ATP8A1: variants seen among roughly 807,000 people sequenced by gnomAD.
ATP8A1 encodes phospholipid-transporting ATPase IA.
In ATP8A1, 90 loss-of-function variants were observed where a neutral mutation model predicts 177.7. The observed-to-expected ratio is 0.51, with a 90% confidence interval of 0.43 to 0.60. The LOEUF (loss-of-function observed/expected upper bound fraction) is 0.60, where lower values mean the gene tolerates loss of function less well. Ranked by LOEUF, ATP8A1 falls within the 20% of genes least tolerant of loss-of-function variation. The pLI, the probability that ATP8A1 is intolerant of heterozygous loss-of-function variation, is 0.00. For synonymous variants in ATP8A1, 493 were observed against 485.9 expected, an observed-to-expected ratio of 1.01 and a Z score of -0.19; for missense variants, 1,072 against 1,392.8, an observed-to-expected ratio of 0.77 and a Z score of 3.67.
intron 25 of ATP8A1, among the ~76,000 whole-genome samples, chr4:42,472,765 G>GAA (rs1720588883): frequency 9.8e-6 from 1 of 101,864 alleles, no homozygotes; most frequent in African/African-American, 3.1e-5. Flanking sequence ...AAAAAAAAAA[G>GAA]AGAGAAAAAG....
chr4:42,603,494 C>T lies in ATP8A1; in HGVS notation c.410-2976G>A, dbSNP rs898735755. Reference sequence around the variant, plus strand: ...TTATTTTGTTGTTTCTGTAGCAATGCTTTTGATGCAACTTAATTTCTCTTT... The same window carrying T: ...TTATTTTGTTGTTTCTGTAGCAATGTTTTTGATGCAACTTAATTTCTCTTT... On this transcript the variant is annotated intron_variant, in intron 5 of 36. Transcript: ENST00000381668. Among the ~76,000 whole-genome samples, 3 of 152,002 alleles carry T rather than the reference C, an allele frequency of 2.0e-5. No homozygotes were observed. The East Asian group carries it at 5.8e-4, about 29-fold the overall frequency.
In ATP8A1 at chr4:42,464,710, T is replaced by C. The variant is rs779661422; in HGVS notation, c.2599A>G (p.Ile867Val). The change falls in exon 27 of 37, where the codon ATA becomes GTA. Residue 867 changes from isoleucine (I) to valine (V), a missense_variant. Physicochemically the swap from Ile to Val is conservative, Grantham distance 29. Transcript: ENST00000381668. Reference sequence around the variant, plus strand: ...ATTACCTCGATAATATAGAGCACTATATTCTTGTAGAAGCAGTATAAGATG... The same window carrying C: ...ATTACCTCGATAATATAGAGCACTACATTCTTGTAGAAGCAGTATAAGATG... Reference protein sequence around the residue: ...KCILYCFYKNIVLYIIEIWFA... With the variant: ...KCILYCFYKNVVLYIIEIWFA... 4 of 1,607,540 alleles carry C rather than the reference T, an allele frequency of 2.5e-6. No individual in the cohort carries two copies. Among genetic ancestry groups the C allele is most frequent in the South Asian group, 2.2e-5 (2 of 90,850 alleles).
intron 15 of ATP8A1, among the ~76,000 whole-genome samples, chr4:42,562,861 G>A (rs1730982153): frequency 6.6e-6 from 1 of 152,210 alleles, no homozygotes; most frequent in Non-Finnish European, 1.5e-5. Flanking sequence ...CTTGCTTTCT[G>A]CCATGATCGT....
chr4:42,507,168 G>A lies in ATP8A1; in HGVS notation c.1948-14C>T. 3 of 1,611,748 alleles carry A rather than the reference G, an allele frequency of 1.9e-6. No individual in the cohort carries two copies. The highest frequency in any genetic ancestry group is 2.5e-6 in the Non-Finnish European group (3 of 1,179,338). ...TAGCTGAAGATTCTGAAAAAAATTAGTGGTAGAAATGTTTTAAAAATCCGT... is the reference window on the plus strand; with the variant it reads ...TAGCTGAAGATTCTGAAAAAAATTAATGGTAGAAATGTTTTAAAAATCCGT... On this transcript the variant is annotated splice_polypyrimidine_tract_variant and intron_variant, in intron 22 of 36. Coordinates refer to ENST00000381668, the MANE Select transcript of ATP8A1 (RefSeq NM_006095.2).
chr4:42,576,950 TTTC>T (rs139116058), intron 12 of ATP8A1, among the ~76,000 whole-genome samples: 184 of 152,314 alleles, frequency 1.2e-3, no homozygotes, highest in African/African-American at 4.3e-3. Context: ...GATTAAGCAT[TTTC>T]TTAATAGATC....
At chr4:42,564,795 G>C (rs1731191764) in intron 15 of ATP8A1, among the ~76,000 whole-genome samples, 1 of 152,156 alleles carries the variant, frequency 6.6e-6, no homozygotes, top group Admixed American at 6.5e-5. Flanking sequence ...GATTGGTTTT[G>C]AAATGTGAGG....
chr4:42,564,631 C>A (rs913312158), intron 15 of ATP8A1, among the ~76,000 whole-genome samples: 1 of 152,250 alleles, frequency 6.6e-6, no homozygotes, highest in Non-Finnish European at 1.5e-5. Context: ...CATGCCTATA[C>A]TCCCATTGTA....
chr4:42,431,413 G>T (rs1235477090), intron 33 of ATP8A1, among the ~76,000 whole-genome samples: 1 of 151,900 alleles, frequency 6.6e-6, no homozygotes, highest in African/African-American at 2.4e-5. Flanking sequence ...TTCAGAGAAT[G>T]GTATGTTTAT....
intron 9 of ATP8A1, among the ~76,000 whole-genome samples, chr4:42,585,605 G>A (rs1050858664): frequency 1.7e-4 from 25 of 150,746 alleles, no homozygotes; most frequent in African/African-American, 6.1e-4. Flanking sequence ...TTCCAGAACT[G>A]TGAGCAATAA....
intron 24 of ATP8A1, among the ~76,000 whole-genome samples, chr4:42,497,380 G>A (rs1723388884): frequency 6.6e-6 from 1 of 152,224 alleles, no homozygotes; most frequent in Admixed American, 6.5e-5. Context: ...GAGATGCAAA[G>A]AGGGCACGAG....
Position 42,581,429 on chromosome 4 carries a change from A to G in ATP8A1, c.834+192T>C, listed in dbSNP as rs192832748. ...ATTACAGGCGTGAGCCACCGCGCCC[A>G]GCCCAAGCCATTCTTATAGGGAGGT... On this transcript the variant is annotated intron_variant, in intron 10 of 36. Transcript: ENST00000381668. Among the ~76,000 whole-genome samples the G allele has an allele frequency of 1.4e-3, 206 of 152,238 alleles. 1 individual carries two copies. The highest frequency in any genetic ancestry group is 4.2e-3 in the African/African-American group (174 of 41,566).
Position 42,564,092 on chromosome 4 carries a change from C to G in ATP8A1, c.1340+5069G>C, listed in dbSNP as rs35875418. 4.0e-3 allele frequency among the ~76,000 whole-genome samples: 608 copies of G among 152,272 alleles called. 3 individuals carry two copies. The highest frequency in any genetic ancestry group is 6.2e-3 in the Non-Finnish European group (425 of 68,020). On this transcript the variant is annotated intron_variant, in intron 15 of 36. Transcript: ENST00000381668. The stretch of plus-strand genomic sequence containing the variant: ...CCTGGACAAGACAGCAGAATTCTGT[C>G]TGGGGTTGCGGGGCGGGGAAAATTG...
At chr4:42,575,999 A>G (rs1391127676) in intron 12 of ATP8A1, among the ~76,000 whole-genome samples, 1 of 152,192 alleles carries the variant, frequency 6.6e-6, no homozygotes, top group Non-Finnish European at 1.5e-5. Flanking sequence ...ACCTATTATA[A>G]GGATTAAAAG....
At chr4:42,446,550 T>C (rs762475815) in intron 31 of ATP8A1, 33 bp downstream of exon 31, 2 of 1,597,262 alleles carry the variant, frequency 1.3e-6, no homozygotes, top group East Asian at 2.2e-5. Context: ...GTTTTGATTT[T>C]ACACGCAAAC....
At chr4:42,490,098 T>C (rs1722594088) in intron 24 of ATP8A1, among the ~76,000 whole-genome samples, 1 of 152,134 alleles carries the variant, frequency 6.6e-6, no homozygotes, top group African/African-American at 2.4e-5. Flanking sequence ...GGAGCCACAG[T>C]GGAAAGTGAG....
At chr4:42,502,056 T>C (rs187648660) in intron 24 of ATP8A1, among the ~76,000 whole-genome samples, 91 of 152,060 alleles carry the variant, frequency 6.0e-4, no homozygotes, top group African/African-American at 2.0e-3. Flanking sequence ...TTTTTTTTTT[T>C]CAAAAAAGAA....
chr4:42,520,921 T>A (rs967943204), intron 22 of ATP8A1, among the ~76,000 whole-genome samples: 1 of 152,158 alleles, frequency 6.6e-6, no homozygotes, highest in Non-Finnish European at 1.5e-5. Flanking sequence ...TATCTCGAGT[T>A]GCATATGGTA....
chr4:42,437,390 C>T (rs1716114238), intron 33 of ATP8A1, among the ~76,000 whole-genome samples: 1 of 152,236 alleles, frequency 6.6e-6, no homozygotes, highest in East Asian at 1.9e-4. Context: ...GCCTACCTTG[C>T]CCCATAAATT....
intron 1 of ATP8A1, among the ~76,000 whole-genome samples, chr4:42,631,947 G>A (rs1738782271): frequency 6.6e-6 from 1 of 152,176 alleles, no homozygotes; most frequent in East Asian, 1.9e-4. Flanking sequence ...AGTAACACCA[G>A]ATATATGCGC....
Sources: gnomAD v4.1 joint callset for allele counts (sites outside exome capture counted in the v4.1 genomes callset) on GRCh38, gnomAD v4.1.1 for gene constraint, MANE v1.5 for transcripts, NCBI Gene and HGNC (gene_info 2026-07-23, HGNC 2026-07-21) for gene names.